Variants in TNKS observed in about 807,000 individuals in gnomAD.
TNKS encodes poly [ADP-ribose] polymerase tankyrase-1.
In TNKS, 72 loss-of-function variants were observed where a neutral mutation model predicts 135.8. The observed-to-expected ratio is 0.53, with a 90% CI of 0.44 to 0.64. TNKS has a LOEUF of 0.64. Ranked by LOEUF, TNKS falls within the 30% of genes least tolerant of loss-of-function variation. The pLI, the probability that TNKS is intolerant of heterozygous loss-of-function variation, is 0.00. For synonymous variants in TNKS, 849 were observed against 649.3 expected, an observed-to-expected ratio of 1.31 and a Z score of -4.68; for missense variants, 1,769 against 1,674.0, an observed-to-expected ratio of 1.06 and a Z score of -0.99.
rs776122124 is a variant in TNKS at position 9,726,719 on chromosome 8, A to T, written c.2000A>T (p.Lys667Met). Reference sequence around the variant, plus strand: ...AAAGCTGGAGACTTGGAAACTGTGAAGGTAAGTCAGTGCCCTTAATATCTG... The same window carrying T: ...AAAGCTGGAGACTTGGAAACTGTGATGGTAAGTCAGTGCCCTTAATATCTG... ...ASKAGDLETV[K>M]QLCSSQNVNC... Residue 667 changes from lysine (K) to methionine (M), a missense_variant and splice_region_variant, in exon 13 of 27, where the codon AAG (lysine) becomes ATG (methionine). Lys to Met is a moderately conservative substitution (Grantham distance 95). Around this residue, in one of 5 missense-constraint regions of TNKS, gnomAD observed 523 missense variants for 541.0 expected, o/e 0.97. Transcript: ENST00000310430. 4 of 1,611,988 alleles carry T rather than the reference A, an allele frequency of 2.5e-6. No individual in the cohort carries two copies. In the South Asian group the frequency reaches 4.4e-5, roughly 18 times the overall value.
chr8:9,731,041 T>A lies in TNKS; in HGVS notation c.2147+6T>A, dbSNP rs1205987093. The A allele has an allele frequency of 1.3e-6, 2 of 1,587,336 alleles. No individual in the cohort carries two copies. The highest frequency in any genetic ancestry group is 1.4e-5 in the African/African-American group (1 of 73,932). ...GTCCATGCCAAAGACAAGGGGTACG[T>A]GTTAGAAGTTAGCTGTTTGGGAGTC... On this transcript the variant is annotated splice_donor_region_variant and intron_variant, in intron 14 of 26. Coordinates refer to ENST00000310430, the MANE Select transcript of TNKS (RefSeq NM_003747.3).
chr8:9,754,061 G>T (rs574666682), intron 20 of TNKS, among the ~76,000 whole-genome samples: 1 of 152,142 alleles, frequency 6.6e-6, no homozygotes, highest in African/African-American at 2.4e-5. Flanking sequence ...CTCTTCTAAG[G>T]ACATTTGCAT....
rs1224404015 is a variant in TNKS at position 9,555,955 on chromosome 8, C to A, written c.16C>A (p.Arg6Ser). The A allele has an allele frequency of 1.2e-6, 2 of 1,612,156 alleles. No homozygotes were observed. Among genetic ancestry groups the A allele is most frequent in the Non-Finnish European group, 1.7e-6 (2 of 1,179,430 alleles). Residue 6 changes from arginine (R) to serine (S), a missense_variant, in exon 1 of 27, where the codon CGC (arginine) becomes AGC (serine). Physicochemically the swap from Arg to Ser is moderately radical, Grantham distance 110 (BLOSUM62 -1). Around this residue, in one of 5 missense-constraint regions of TNKS, gnomAD observed 450 missense variants for 304.9 expected, o/e 1.48. Transcript: ENST00000310430. ...GAGTCCGAAGATGGCGGCGTCGCGT[C>A]GCTCTCAGCATCATCACCACCATCA... is the stretch of plus-strand genomic sequence containing the variant. MAASR[R>S]SQHHHHHHQQ...
intron 3 of TNKS, among the ~76,000 whole-genome samples, chr8:9,672,033 C>T (rs928751981): frequency 6.6e-6 from 1 of 152,200 alleles, no homozygotes; most frequent in African/African-American, 2.4e-5. Flanking sequence ...ACTTCGTAGC[C>T]ATCTCAGTGA....
At chr8:9,757,704 G>C (rs566060455) in intron 20 of TNKS, among the ~76,000 whole-genome samples, 2 of 152,246 alleles carry the variant, frequency 1.3e-5, no homozygotes, top group East Asian at 3.9e-4. Flanking sequence ...ATGAACTTTG[G>C]TTAGCACTCT....
At chr8:9,626,448 G>C (rs1427528417) in intron 3 of TNKS, among the ~76,000 whole-genome samples, 1 of 152,168 alleles carries the variant, frequency 6.6e-6, no homozygotes, top group Admixed American at 6.5e-5. Context: ...TGTTGTTTTA[G>C]CTACTAAGTT....
At chr8:9,636,151 G>T (rs556927607) in intron 3 of TNKS, among the ~76,000 whole-genome samples, 4 of 152,166 alleles carry the variant, frequency 2.6e-5, no homozygotes, top group African/African-American at 9.7e-5. Flanking sequence ...ATACCTATGT[G>T]CATAAACATA....
At chr8:9,731,115 T>C in intron 14 of TNKS, 80 bp downstream of exon 14, 1 of 1,379,664 alleles carries the variant, frequency 7.2e-7, no homozygotes, top group Non-Finnish European at 9.5e-7. Context: ...GTCTTAGATT[T>C]TTTCTGTATT....
At chr8:9,598,138 A>C (rs913152387) in intron 2 of TNKS, among the ~76,000 whole-genome samples, 6 of 152,080 alleles carry the variant, frequency 3.9e-5, no homozygotes, top group Non-Finnish European at 7.4e-5. Context: ...TTTCTCCTCC[A>C]GGGTTCACGC....
At chr8:9,666,209 C>T (rs995869896) in intron 3 of TNKS, among the ~76,000 whole-genome samples, 4 of 152,136 alleles carry the variant, frequency 2.6e-5, no homozygotes, top group Admixed American at 1.3e-4. Flanking sequence ...GAACACGCTG[C>T]CACACGTTGA....
At chr8:9,741,388 G>A (rs1480173581) in intron 17 of TNKS, among the ~76,000 whole-genome samples, 2 of 152,136 alleles carry the variant, frequency 1.3e-5, no homozygotes, top group Non-Finnish European at 2.9e-5. Context: ...TGTCAACTGT[G>A]TAGACTACAG....
chr8:9,596,856 C>G (rs73535847), intron 2 of TNKS, among the ~76,000 whole-genome samples: 4,478 of 152,234 alleles, frequency 0.029, 214 homozygotes, highest in African/African-American at 0.099. Context: ...ATTGAGGGAA[C>G]CAGGCCAGGA....
Position 9,587,290 on chromosome 8 carries a change from G to T in TNKS, c.898+6907G>T, listed in dbSNP as rs575836814. Among the ~76,000 whole-genome samples, 97 of 152,106 alleles carry T rather than the reference G, an allele frequency of 6.4e-4. 2 individuals carry two copies. The South Asian group carries it at 0.019, about 30-fold the overall frequency. ...TTGGTGGCTTTGAAAAGAGAGAAAG[G>T]GTTCCCTAAACTAAGGAATGGGGGT... On this transcript the variant is annotated intron_variant, in intron 2 of 26. Coordinates refer to ENST00000310430, the MANE Select transcript of TNKS (RefSeq NM_003747.3).
At chr8:9,754,872 C>G (rs562500762) in intron 20 of TNKS, among the ~76,000 whole-genome samples, 1 of 152,272 alleles carries the variant, frequency 6.6e-6, no homozygotes, top group East Asian at 1.9e-4. Context: ...TGGTTTGGAG[C>G]TTTCTTAGGA....
chr8:9,569,283 A>C (rs184900720), intron 1 of TNKS, among the ~76,000 whole-genome samples: 1 of 152,356 alleles, frequency 6.6e-6, no homozygotes, highest in East Asian at 1.9e-4. Context: ...CATAGCACAC[A>C]CACATCATAA....
intron 26 of TNKS, 101 bp downstream of exon 26, chr8:9,770,363 A>T (rs1181566367): frequency 1.4e-5 from 17 of 1,219,600 alleles, no homozygotes; most frequent in African/African-American, 9.1e-5. Flanking sequence ...AATATCCACC[A>T]CACAGTGTGC....
At chr8:9,623,284 C>T (rs1799932884) in intron 3 of TNKS, among the ~76,000 whole-genome samples, 1 of 152,110 alleles carries the variant, frequency 6.6e-6, no homozygotes. Flanking sequence ...GGTGTTTGAT[C>T]TATTGATAGG....
chr8:9,702,330 C>CACAT (rs753842733), intron 5 of TNKS, among the ~76,000 whole-genome samples: 14 of 152,110 alleles, frequency 9.2e-5, no homozygotes, highest in South Asian at 2.1e-4. Context: ...CACACACATA[C>CACAT]ACACACGAAG....
At chr8:9,714,688 G>A (rs1804515899) in intron 11 of TNKS, among the ~76,000 whole-genome samples, 1 of 152,160 alleles carries the variant, frequency 6.6e-6, no homozygotes, top group Non-Finnish European at 1.5e-5. Flanking sequence ...GAAGATAAAA[G>A]CCACTTATGA....
Sources: allele counts gnomAD v4.1 joint callset (sites outside exome capture counted in the v4.1 genomes callset), GRCh38; gene constraint gnomAD v4.1.1; regional missense constraint gnomAD v4.1.1; transcripts MANE v1.5; gene names NCBI Gene and HGNC (gene_info 2026-07-23, HGNC 2026-07-21).